The following MXD4 variants were observed in gnomAD, a reference collection of about 807,000 sequenced individuals.
MXD4 encodes the protein MAX dimerization protein 4, also known as Mad4 homolog.
MXD4 carries 16 observed loss-of-function variants against 24.5 expected under a neutral mutation model. The observed-to-expected ratio is 0.65, with a 90% CI of 0.44 to 0.99. MXD4 has a LOEUF of 0.99. Ranked by LOEUF, MXD4 falls within the 50% of genes least tolerant of loss-of-function variation. MXD4 has a pLI of 0.00. For missense variants in MXD4, 301 were observed against 301.5 expected (o/e 1.00, Z 0.01); for synonymous variants, 164 against 134.2 (o/e 1.22, Z -1.54).
At chr4:2,261,229 G>A (rs1039837634) in intron 2 of MXD4, among the ~76,000 whole-genome samples, 2 of 152,216 alleles carry the variant, frequency 1.3e-5, no homozygotes, top group Non-Finnish European at 2.9e-5. Flanking sequence ...CTAGGCTCCT[G>A]GGGGCGGGGG....
chr4:2,251,072 C>G lies in MXD4; in HGVS notation c.472+12G>C. The G allele has an allele frequency of 6.4e-7, 1 of 1,555,136 alleles. No homozygotes were observed. Among genetic ancestry groups the G allele is most frequent in the Non-Finnish European group, 8.7e-7 (1 of 1,144,706 alleles). On this transcript the variant is annotated intron_variant, in intron 5 of 5. Transcript: ENST00000337190. ...AGGCCCAGGTGAGGCTGCCCCGCGC[C>G]CCACGCCCCACCTTGCTCTGAGTCG...
intron 2 of MXD4, among the ~76,000 whole-genome samples, chr4:2,260,134 C>G (rs1020829434): frequency 6.6e-6 from 1 of 152,188 alleles, no homozygotes; most frequent in Non-Finnish European, 1.5e-5. Flanking sequence ...GCCTCAGGCC[C>G]CGGGGGAGCG....
At position 2,262,097 on chromosome 4, in the gene MXD4, G is replaced by C. The variant is rs1577826768; in HGVS notation, c.-117C>G. 2.4e-6 allele frequency: 1 copy of C among 413,330 alleles called. No individual in the cohort carries two copies. The highest frequency in any genetic ancestry group is 3.3e-6 in the Non-Finnish European group (1 of 306,638). The allele number at this position is 413,330 out of a possible 1,614,324, so 25.6% of individuals were successfully genotyped here. A position where few individuals can be genotyped will look rare whatever the true frequency, so the allele number is the denominator to read the frequency against. On this transcript the variant is annotated 5_prime_UTR_variant, in exon 1 of 6. Coordinates refer to ENST00000337190, the MANE Select transcript of MXD4 (RefSeq NM_006454.3). ...GGCCGCCGCACTTCCAGACTCCGCG[G>C]ACTCCGGCGCTCGGCCGCCACCCTC...
chr4:2,252,521 G>A lies in MXD4; in HGVS notation c.196C>T (p.Arg66Ter), dbSNP rs1490205079. 2.5e-6 allele frequency: 4 copies of A among 1,608,012 alleles called. No individual in the cohort carries two copies. Among genetic ancestry groups the A allele is most frequent in the Non-Finnish European group, 2.5e-6 (3 of 1,177,200 alleles). ...TCAAGGTACAGCCTGAGTTTGGCTCGTCTGAAAGAGCCAGAGACAGAACCA... is the reference window on the plus strand; with the variant it reads ...TCAAGGTACAGCCTGAGTTTGGCTCATCTGAAAGAGCCAGAGACAGAACCA... ...SSHNELEKHR[R>*]AKLRLYLEQL... Residue 66 changes from arginine to a stop codon, truncating the protein, a stop_gained and splice_region_variant, in exon 4 of 6, where the codon CGA becomes TGA. Transcript: ENST00000337190. LOFTEE classifies it high-confidence loss of function.
chr4:2,252,781 C>A, intron 3 of MXD4: 1 of 404,066 alleles, frequency 2.5e-6, no homozygotes, highest in Non-Finnish European at 4.5e-6. Context: ...CACCGCCAGG[C>A]ATTTCCTAGG....
rs766597367 is a variant in MXD4, at chr4:2,252,548, C to A, written c.195-26G>T. 1.1e-5 allele frequency: 17 copies of A among 1,571,008 alleles called. No homozygotes were observed. In the East Asian group the frequency reaches 3.6e-4, roughly 33 times the overall value. On this transcript the variant is annotated intron_variant, in intron 3 of 5. Transcript: ENST00000337190. The stretch of plus-strand genomic sequence containing the variant: ...CTGAAAGAGCCAGAGACAGAACCAT[C>A]AGGCTGGGGTGGGGGAGGGCAGCAG...
rs2108786801 is a variant in MXD4 at position 2,248,424 on chromosome 4, T to C, written c.*2120A>G. ...GGGCAGGGAGCTGGTGCTTCAAGAA[T>C]TGAGGGCAGGGACACGACCACCTCA... On this transcript the variant is annotated 3_prime_UTR_variant, in exon 6 of 6. Transcript: ENST00000337190. 1 of 152,418 alleles carries C rather than the reference T, an allele frequency of 6.6e-6. No individual in the cohort carries two copies. Among genetic ancestry groups the C allele is most frequent in the African/African-American group, 2.4e-5 (1 of 41,536 alleles). The allele number at this position is 152,418 out of a possible 1,614,324, so 9.4% of individuals were successfully genotyped here. A position where few individuals can be genotyped will look rare whatever the true frequency, so the allele number is the denominator to read the frequency against.
At chr4:2,257,554 A>C (rs1385944062) in intron 3 of MXD4, among the ~76,000 whole-genome samples, 1 of 152,228 alleles carries the variant, frequency 6.6e-6, no homozygotes, top group Non-Finnish European at 1.5e-5. Context: ...GGAGCTTCCC[A>C]GGCGGCCAGG....
At position 2,252,486 on chromosome 4, in the gene MXD4, C is replaced by T. The variant is rs1438420457; in HGVS notation, c.231G>A (p.Lys77=). The T allele has an allele frequency of 6.2e-7, 1 of 1,611,966 alleles. No homozygotes were observed. Among genetic ancestry groups the T allele is most frequent in the Non-Finnish European group, 8.5e-7 (1 of 1,179,944 alleles). Residue 77 remains lysine, a synonymous_variant, in exon 4 of 6, where the codon AAG becomes AAA. Coordinates refer to ENST00000337190, the MANE Select transcript of MXD4 (RefSeq NM_006454.3). The stretch of plus-strand genomic sequence containing the variant: ...TGTCGGGGCCCAGGGGCACCAGTTG[C>T]TTGAGCTGCTCAAGGTACAGCCTGA... ...AKLRLYLEQL[K]QLVPLGPDST... is the part of the protein sequence containing the mutation.
intron 2 of MXD4, among the ~76,000 whole-genome samples, chr4:2,259,904 T>G (rs970622138): frequency 2.0e-5 from 3 of 152,142 alleles, no homozygotes; most frequent in Admixed American, 6.5e-5. Flanking sequence ...ACCCTGACAC[T>G]GTCCTCCGGC....
Position 2,251,263 on chromosome 4 carries a change from C to A in MXD4, c.310-17G>T. The A allele has an allele frequency of 6.4e-7, 1 of 1,573,600 alleles. No homozygotes were observed. The highest frequency in any genetic ancestry group is 8.7e-7 in the Non-Finnish European group (1 of 1,155,272). The stretch of plus-strand genomic sequence containing the variant: ...CTCCAGTTTCTGGGGTCGAGGGGGG[C>A]TGTGAGCTCACAGCGGGAAGAGGAG... On this transcript the variant is annotated splice_polypyrimidine_tract_variant and intron_variant, in intron 4 of 5. Coordinates refer to ENST00000337190, the MANE Select transcript of MXD4 (RefSeq NM_006454.3).
intron 4 of MXD4, among the ~76,000 whole-genome samples, chr4:2,251,544 T>A (rs913661563): frequency 6.6e-5 from 10 of 152,376 alleles, no homozygotes; most frequent in Middle Eastern, 3.4e-3. Context: ...TTGAGCCATG[T>A]GTGGCAGCGG....
Position 2,261,828 on chromosome 4 carries a change from C to T in MXD4, c.65-4G>A. The stretch of plus-strand genomic sequence containing the variant: ...GAGGCGTAGCCGTGCTCGGCCTCTG[C>T]GGACACACGGCGCGGTCAGCGGCCC... On this transcript the variant is annotated splice_region_variant and splice_polypyrimidine_tract_variant and intron_variant, in intron 1 of 5. Coordinates refer to ENST00000337190, the MANE Select transcript of MXD4 (RefSeq NM_006454.3). 2 of 1,374,990 alleles carry T rather than the reference C, an allele frequency of 1.5e-6. No individual in the cohort carries two copies. Among genetic ancestry groups the T allele is most frequent in the Admixed American group, 3.4e-5 (1 of 29,808 alleles). The allele number at this position is 1,374,990 out of a possible 1,614,324, so 85.2% of individuals were successfully genotyped here. A position where few individuals can be genotyped will look rare whatever the true frequency, so the allele number is the denominator to read the frequency against.
At position 2,251,180 on chromosome 4, in the gene MXD4, G is replaced by A. The variant is rs1434437814; in HGVS notation, c.376C>T (p.Leu126=). Residue 126 remains leucine (L), a synonymous_variant, in exon 5 of 6, where the codon CTG becomes TTG. Coordinates refer to ENST00000337190, the MANE Select transcript of MXD4 (RefSeq NM_006454.3). ...GACAGCTGCTCCAGGCGCCGCTTCA[G>A]GAAACGATGCTCCTGCTGCAGCTGC... The part of the protein sequence containing the change: ...KEQLQQEHRF[L]KRRLEQLSVQ... 5 of 1,606,056 alleles carry A rather than the reference G, an allele frequency of 3.1e-6. No individual in the cohort carries two copies. Among genetic ancestry groups the A allele is most frequent in the Non-Finnish European group, 3.4e-6 (4 of 1,176,156 alleles).
chr4:2,252,261 C>A, intron 4 of MXD4, 147 bp downstream of exon 4: 2 of 664,830 alleles, frequency 3.0e-6, no homozygotes, highest in Non-Finnish European at 5.2e-6. Context: ...ACCAGGCCCC[C>A]GACACACACC....
chr4:2,254,385 G>A (rs1385667037), intron 3 of MXD4: 1 of 152,014 alleles, frequency 6.6e-6, no homozygotes, highest in Admixed American at 6.6e-5. Context: ...CACAAGAGAC[G>A]ACAGAATCAA....
Position 2,261,820 on chromosome 4 carries a change from G to C in MXD4, c.69C>G (p.Ala23=). The C allele has an allele frequency of 2.2e-6, 3 of 1,383,880 alleles. No individual in the cohort carries two copies. Among genetic ancestry groups the C allele is most frequent in the Non-Finnish European group, 2.8e-6 (3 of 1,063,646 alleles). 85.7% of individuals were successfully genotyped at this position (1,383,880 alleles called of 1,614,324 possible). A position where few individuals can be genotyped will look rare whatever the true frequency, so the allele number is the denominator to read the frequency against. ...GCAGCACCGAGGCGTAGCCGTGCTC[G>C]GCCTCTGCGGACACACGGCGCGGTC... The part of the protein sequence containing the change: ...AEYLERRDRE[A]EHGYASVLPF... The change falls in exon 2 of 6, where the codon GCC becomes GCG. Residue 23 remains alanine, a synonymous_variant. Transcript: ENST00000337190.
intron 3 of MXD4, among the ~76,000 whole-genome samples, chr4:2,256,693 C>A (rs1290379635): frequency 1.3e-5 from 2 of 152,184 alleles, no homozygotes; most frequent in African/African-American, 4.8e-5. Flanking sequence ...CCATGAGGCC[C>A]TGGCTAAATG....
At chr4:2,252,992 T>C (rs1735356015) in intron 3 of MXD4, 1 of 160,976 alleles carries the variant, frequency 6.2e-6, no homozygotes. Flanking sequence ...ATGATCAGCC[T>C]AGGTCAAGGG....
Sources: gnomAD v4.1 joint callset for allele counts (sites outside exome capture counted in the v4.1 genomes callset) on GRCh38, gnomAD v4.1.1 for gene constraint, MANE v1.5 for transcripts, NCBI Gene and HGNC (gene_info 2026-07-23, HGNC 2026-07-21) for gene names.